The following NRXN3 variants were observed in gnomAD, a reference collection of about 807,000 sequenced individuals.
NRXN3 encodes neurexin III.
A neutral mutation model predicts 137.6 loss-of-function variants in NRXN3; 32 were observed. The observed-to-expected ratio is 0.23, with a 90% CI of 0.18 to 0.31. NRXN3 has a LOEUF of 0.31. Among genes scored for constraint, NRXN3 ranks in the 10% least tolerant of loss-of-function variants. The pLI is 1.00. For synonymous variants in NRXN3, 798 were observed against 784.5 expected, an observed-to-expected ratio of 1.02 and a Z score of -0.29; for missense variants, 1,574 against 2,062.5, an observed-to-expected ratio of 0.76 and a Z score of 4.59.
intron 15 of NRXN3, among the ~76,000 whole-genome samples, chr14:79,391,879 G>A (rs1021380820): frequency 6.6e-6 from 1 of 152,206 alleles, no homozygotes; most frequent in African/African-American, 2.4e-5. Context: ...TAGGAAAAGA[G>A]AGATGCTAAC....
chr14:79,467,171 CTGTATGCAATGTAGTGCCT>C (rs2096438601), intron 15 of NRXN3, 31 bp from the exon 16 acceptor site: 1 of 1,531,520 alleles, frequency 6.5e-7, no homozygotes, highest in Non-Finnish European at 8.9e-7. Flanking sequence ...CTACAGCTGG[CTGTATGCAATGTAGTGCCT>C]TGATGTCTCC....
At chr14:78,722,223 T>A (rs900803779) in intron 8 of NRXN3, among the ~76,000 whole-genome samples, 3 of 152,172 alleles carry the variant, frequency 2.0e-5, no homozygotes, top group Non-Finnish European at 2.9e-5. Flanking sequence ...AACCTGAGAA[T>A]GTGAGGGTCA....
intron 19 of NRXN3, among the ~76,000 whole-genome samples, chr14:79,720,619 A>T (rs928610161): frequency 2.6e-5 from 4 of 152,120 alleles, no homozygotes; most frequent in African/African-American, 9.7e-5. Context: ...TGACTCTTCA[A>T]CTAGGTTTCT....
In NRXN3 at chr14:79,725,530, T is replaced by C. The variant is rs115050076; in HGVS notation, c.4014+27593T>C. On this transcript the variant is annotated intron_variant, in intron 19 of 20. Transcript: ENST00000335750. The stretch of plus-strand genomic sequence containing the variant: ...CTCTCCACTAACTACCTGAGTGACA[T>C]TAGGCAAACTTGCAAATGTGGAAGT... 7.6e-3 allele frequency among the ~76,000 whole-genome samples: 1,161 copies of C among 152,234 alleles called. 11 individuals carry two copies. The highest frequency in any genetic ancestry group is 0.027 in the African/African-American group (1,116 of 41,540).
chr14:79,340,461 C>T (rs532674532), intron 15 of NRXN3, among the ~76,000 whole-genome samples: 2 of 152,048 alleles, frequency 1.3e-5, no homozygotes, highest in South Asian at 2.1e-4. Flanking sequence ...TTTTTATTTA[C>T]GTATGTATGT....
At chr14:78,279,060 T>C (rs2074023726) in intron 3 of NRXN3, among the ~76,000 whole-genome samples, 2 of 152,234 alleles carry the variant, frequency 1.3e-5, no homozygotes, top group Admixed American at 6.5e-5. Context: ...AGATATGACA[T>C]ACGTAGCATG....
At chr14:78,250,060 A>C (rs758790692) in intron 2 of NRXN3, 2 of 514,708 alleles carry the variant, frequency 3.9e-6, no homozygotes, top group South Asian at 2.8e-5. Context: ...CCTCGCAACC[A>C]CTCTTGACAT....
rs1313689439 is a variant in NRXN3, at chr14:78,763,719, G to A, written c.2045-39901G>A. On this transcript the variant is annotated intron_variant, in intron 8 of 20. Coordinates refer to ENST00000335750, the MANE Select transcript of NRXN3 (RefSeq NM_001330195.2). ...AGATTGTATAGTACCTAGTTTTAAA[G>A]CAGCATGCACCTAGAGAGAGGTGCA... is the stretch of plus-strand genomic sequence containing the variant. Among the ~76,000 whole-genome samples the A allele has an allele frequency of 3.3e-5, 5 of 152,238 alleles. No individual in the cohort carries two copies. The South Asian group carries it at 8.3e-4, about 25-fold the overall frequency.
chr14:78,540,434 G>GTTT (rs1471792746), intron 4 of NRXN3, among the ~76,000 whole-genome samples: 1 of 101,494 alleles, frequency 9.9e-6, no homozygotes, highest in African/African-American at 3.4e-5. Context: ...TGCAACCCCT[G>GTTT]CTTTTTTTTT....
At chr14:78,172,005 C>A (rs79752530) in intron 1 of NRXN3, among the ~76,000 whole-genome samples, 1 of 152,100 alleles carries the variant, frequency 6.6e-6, no homozygotes, top group African/African-American at 2.4e-5. Context: ...GTCTTCTCCC[C>A]GCTTCCTTCG....
At chr14:78,737,716 T>C (rs987015893) in intron 8 of NRXN3, among the ~76,000 whole-genome samples, 7 of 152,066 alleles carry the variant, frequency 4.6e-5, no homozygotes, top group Non-Finnish European at 8.8e-5. Flanking sequence ...TCACTGAAAC[T>C]CTCTTTCTAT....
rs140717005 is a variant in NRXN3 at position 79,574,392 on chromosome 14, T to G, written c.3445-89386T>G. Among the ~76,000 whole-genome samples the G allele has an allele frequency of 2.5e-3, 380 of 152,274 alleles. 1 individual carries two copies. Among genetic ancestry groups the G allele is most frequent in the African/African-American group, 8.7e-3 (362 of 41,568 alleles). ...AATATTTAGCATCCTGAGCTGCAGT[T>G]TTCTCATCTATAAACAAGGATTAAT... On this transcript the variant is annotated intron_variant, in intron 16 of 20. Coordinates refer to ENST00000335750, the MANE Select transcript of NRXN3 (RefSeq NM_001330195.2).
At chr14:79,839,694 T>C (rs1419118375) in intron 20 of NRXN3, among the ~76,000 whole-genome samples, 1 of 152,218 alleles carries the variant, frequency 6.6e-6, no homozygotes, top group East Asian at 1.9e-4. Context: ...GCCTTTAAGG[T>C]CTTATCCCCC....
At chr14:79,684,422 T>C (rs1403420356) in intron 17 of NRXN3, among the ~76,000 whole-genome samples, 1 of 152,140 alleles carries the variant, frequency 6.6e-6, no homozygotes, top group Non-Finnish European at 1.5e-5. Flanking sequence ...AGAACAGTGA[T>C]TGTTACTTTT....
chr14:79,756,340 T>A (rs2099019448), intron 19 of NRXN3, among the ~76,000 whole-genome samples: 1 of 152,212 alleles, frequency 6.6e-6, no homozygotes, highest in Non-Finnish European at 1.5e-5. Flanking sequence ...TGGGTCATCT[T>A]GCCTTTGAGT....
intron 6 of NRXN3, among the ~76,000 whole-genome samples, chr14:78,692,944 G>A (rs2098186957): frequency 1.3e-5 from 2 of 151,776 alleles, no homozygotes; most frequent in African/African-American, 4.8e-5. Context: ...AGCTGAGTGT[G>A]TGGTGGCACA....
At position 79,851,943 on chromosome 14, in the gene NRXN3, C is replaced by T. The variant is rs556037548; in HGVS notation, c.4094-9399C>T. On this transcript the variant is annotated intron_variant, in intron 20 of 20. Transcript: ENST00000335750. ...GTAGTTTACAGACACTGATATTGTACTCTTTGGAGTGGAGAGGGGTTTTGC... is the reference window on the plus strand; with the variant it reads ...GTAGTTTACAGACACTGATATTGTATTCTTTGGAGTGGAGAGGGGTTTTGC... Among the ~76,000 whole-genome samples the T allele has an allele frequency of 2.0e-4, 31 of 151,812 alleles. 1 individual carries two copies. The East Asian group carries it at 6.0e-3, about 30-fold the overall frequency.
chr14:78,564,030 AT>A (rs975329770), intron 4 of NRXN3, among the ~76,000 whole-genome samples: 14 of 152,176 alleles, frequency 9.2e-5, no homozygotes, highest in Admixed American at 9.2e-4. Flanking sequence ...CCTGTAGCAC[AT>A]TTCAATTAGG....
At chr14:78,978,285 C>A (rs969449378) in intron 14 of NRXN3, among the ~76,000 whole-genome samples, 2 of 152,146 alleles carry the variant, frequency 1.3e-5, no homozygotes, top group African/African-American at 4.8e-5. Context: ...CTTGGGAATA[C>A]AGCCACCCTT....
Sources: allele counts gnomAD v4.1 joint callset (sites outside exome capture counted in the v4.1 genomes callset), GRCh38; gene constraint gnomAD v4.1.1; transcripts MANE v1.5; gene names NCBI Gene and HGNC (gene_info 2026-07-23, HGNC 2026-07-21).